The following MTHFD1L variants were observed in gnomAD, a reference collection of about 807,000 sequenced individuals.
The protein encoded by MTHFD1L is methylenetetrahydrofolate dehydrogenase (NADP+ dependent) 1 like, also known as monofunctional C1-tetrahydrofolate synthase, mitochondrial.
MTHFD1L carries 81 observed loss-of-function variants against 119.5 expected under a neutral mutation model. The ratio of observed to expected loss-of-function variants is 0.68; its 90% confidence interval spans 0.57 to 0.82. The LOEUF (loss-of-function observed/expected upper bound fraction) is 0.82. Among genes scored for constraint, MTHFD1L ranks in the 40% least tolerant of loss-of-function variants. The pLI is 0.00. For synonymous variants in MTHFD1L, 430 were observed against 475.2 expected, an observed-to-expected ratio of 0.90 and a Z score of 1.24; for missense variants, 1,125 against 1,253.4, an observed-to-expected ratio of 0.90 and a Z score of 1.55.
At chr6:151,046,483 A>ATATATATATATATATAATATGTGTGTG (rs1562591293) in intron 26 of MTHFD1L, among the ~76,000 whole-genome samples, 13 of 47,898 alleles carry the variant, frequency 2.7e-4, no homozygotes, top group African/African-American at 7.5e-4. Flanking sequence ...ATATATATAT[A>ATATATATATATATATAATATGTGTGTG]TATATATATA....
In MTHFD1L at chr6:150,991,729, A is replaced by G. The variant is rs114857468; in HGVS notation, c.2126-18090A>G. On this transcript the variant is annotated intron_variant, in intron 20 of 27. Coordinates refer to ENST00000367321, the MANE Select transcript of MTHFD1L (RefSeq NM_015440.5). ...GAGTCTAAGACATCTGGGGGAGATGAGTTTCATCATTAGATGAAGTCATAT... is the reference window on the plus strand; with the variant it reads ...GAGTCTAAGACATCTGGGGGAGATGGGTTTCATCATTAGATGAAGTCATAT... 8.1e-3 allele frequency among the ~76,000 whole-genome samples: 1,229 copies of G among 152,324 alleles called. 15 individuals carry two copies. The highest frequency in any genetic ancestry group is 0.028 in the African/African-American group (1,163 of 41,582).
At chr6:151,033,411 C>CA (rs1309687225) in intron 24 of MTHFD1L, among the ~76,000 whole-genome samples, 3 of 152,144 alleles carry the variant, frequency 2.0e-5, no homozygotes, top group African/African-American at 4.8e-5. Context: ...TGAGCCACTG[C>CA]ACCTGGCCAC....
intron 24 of MTHFD1L, among the ~76,000 whole-genome samples, chr6:151,032,007 G>A (rs77753637): frequency 0.058 from 8,879 of 152,038 alleles, 432 homozygotes; most frequent in African/African-American, 0.12. Context: ...CTTCTTTTCC[G>A]TTGATTAATT....
intron 2 of MTHFD1L, among the ~76,000 whole-genome samples, chr6:150,877,392 A>G (rs1780628618): frequency 1.3e-5 from 2 of 152,238 alleles, no homozygotes; most frequent in Middle Eastern, 3.4e-3. Context: ...CTAGGTTACT[A>G]TGTCTTCTAA....
chr6:151,020,544 T>G (rs1434525759), intron 24 of MTHFD1L, among the ~76,000 whole-genome samples: 1 of 152,198 alleles, frequency 6.6e-6, no homozygotes, highest in Non-Finnish European at 1.5e-5. Flanking sequence ...AACTTTTAAT[T>G]ATGGTACCGG....
At chr6:150,876,039 T>G (rs765726275) in intron 1 of MTHFD1L, 51 bp from the exon 2 acceptor site, 2 of 1,393,650 alleles carry the variant, frequency 1.4e-6, no homozygotes, top group East Asian at 2.3e-5. Flanking sequence ...GTGTCAGTCC[T>G]TTCTACTCAT....
Position 150,900,886 on chromosome 6 carries a change from G to A in MTHFD1L, c.781-4764G>A, listed in dbSNP as rs111753670. On this transcript the variant is annotated intron_variant, in intron 7 of 27. Coordinates refer to ENST00000367321, the MANE Select transcript of MTHFD1L (RefSeq NM_015440.5). The stretch of plus-strand genomic sequence containing the variant: ...AAAAATTAGCCGGGCATGGTGGCAG[G>A]TGCCTGTAGTCCCAGCTACTCGGGA... Among the ~76,000 whole-genome samples, 22 of 151,754 alleles carry A rather than the reference G, an allele frequency of 1.4e-4. 1 individual carries two copies. The highest frequency in any genetic ancestry group is 5.1e-4 in the African/African-American group (21 of 41,392).
intron 17 of MTHFD1L, among the ~76,000 whole-genome samples, chr6:150,956,772 G>T (rs1028779341): frequency 6.6e-6 from 1 of 152,136 alleles, no homozygotes; most frequent in South Asian, 2.1e-4. Context: ...TGAAAAAAGA[G>T]TCACCTTACT....
chr6:151,067,644 A>G lies in MTHFD1L; in HGVS notation c.2848-24823A>G, dbSNP rs577839216. ...CAGCTAATCACTTTTTTAAATCACAATTTGTGTTACGTTCATGAGTAATGG... is the reference window on the plus strand; with the variant it reads ...CAGCTAATCACTTTTTTAAATCACAGTTTGTGTTACGTTCATGAGTAATGG... On this transcript the variant is annotated intron_variant, in intron 26 of 27. Coordinates refer to ENST00000367321, the MANE Select transcript of MTHFD1L (RefSeq NM_015440.5). 2.5e-3 allele frequency among the ~76,000 whole-genome samples: 384 copies of G among 152,314 alleles called. 3 individuals are homozygous for G. Among genetic ancestry groups the G allele is most frequent in the Admixed American group, 6.3e-3 (97 of 15,306 alleles).
intron 11 of MTHFD1L, among the ~76,000 whole-genome samples, chr6:150,928,886 C>T (rs1790518866): frequency 6.6e-6 from 1 of 152,174 alleles, no homozygotes; most frequent in Non-Finnish European, 1.5e-5. Context: ...CAGGGCCTCT[C>T]TGAATCCCTC....
chr6:150,914,021 A>C (rs1465000009), intron 8 of MTHFD1L, among the ~76,000 whole-genome samples: 1 of 152,084 alleles, frequency 6.6e-6, no homozygotes, highest in Non-Finnish European at 1.5e-5. Context: ...TCCCAGCTAC[A>C]TGGGAGGCAG....
chr6:150,942,872 C>T (rs1264958047), intron 13 of MTHFD1L, among the ~76,000 whole-genome samples: 2 of 152,170 alleles, frequency 1.3e-5, no homozygotes, highest in Non-Finnish European at 2.9e-5. Context: ...AACACTTTCT[C>T]AACTATTAAA....
At chr6:150,917,219 A>G (rs1031550084) in intron 8 of MTHFD1L, among the ~76,000 whole-genome samples, 2 of 152,112 alleles carry the variant, frequency 1.3e-5, no homozygotes, top group Admixed American at 6.6e-5. Context: ...TGTATTGTAC[A>G]GTAAAGATTT....
chr6:150,888,845 C>T (rs1782737977), intron 7 of MTHFD1L, among the ~76,000 whole-genome samples: 2 of 152,122 alleles, frequency 1.3e-5, no homozygotes, highest in African/African-American at 4.8e-5. Context: ...TATATGGAAG[C>T]TTGAGAGCAG....
At chr6:151,079,630 C>T (rs927221936) in intron 26 of MTHFD1L, among the ~76,000 whole-genome samples, 1 of 151,834 alleles carries the variant, frequency 6.6e-6, no homozygotes, top group African/African-American at 2.4e-5. Flanking sequence ...GCTAGGATTA[C>T]AGGCATGCAC....
chr6:150,932,819 G>GGAGGAAGGAAGGAAAGGAAGGAAGGA, intron 11 of MTHFD1L, among the ~76,000 whole-genome samples: 1 of 123,386 alleles, frequency 8.1e-6, no homozygotes, highest in Non-Finnish European at 1.7e-5. Context: ...AGGGAGGGAG[G>GGAGGAAGGAAGGAAAGGAAGGAAGGA]AAGGAAGGAA....
At chr6:150,911,171 A>G (rs1786822957) in intron 8 of MTHFD1L, among the ~76,000 whole-genome samples, 2 of 152,216 alleles carry the variant, frequency 1.3e-5, no homozygotes, top group Admixed American at 6.5e-5. Flanking sequence ...TAAAAAAAGT[A>G]AAGGTTCATG....
At chr6:150,894,435 A>G (rs893424295) in intron 7 of MTHFD1L, among the ~76,000 whole-genome samples, 6 of 152,150 alleles carry the variant, frequency 3.9e-5, no homozygotes, top group African/African-American at 1.4e-4. Flanking sequence ...AAGCAAGACT[A>G]CCATGAGACA....
chr6:150,983,962 A>C (rs916601573), intron 20 of MTHFD1L, among the ~76,000 whole-genome samples: 1 of 151,954 alleles, frequency 6.6e-6, no homozygotes, highest in African/African-American at 2.4e-5. Context: ...TCTGGAGATG[A>C]GGTCTCACTA....
Sources: gnomAD v4.1 joint callset for allele counts (sites outside exome capture counted in the v4.1 genomes callset) on GRCh38, gnomAD v4.1.1 for gene constraint, MANE v1.5 for transcripts, NCBI Gene and HGNC (gene_info 2026-07-23, HGNC 2026-07-21) for gene names.